Variants in AATF observed in about 807,000 individuals in gnomAD.
AATF encodes the protein protein AATF.
A neutral mutation model predicts 63.7 loss-of-function variants in AATF; 48 were observed. That is an observed-to-expected ratio of 0.75 (90% CI 0.60 to 0.96). AATF has a LOEUF of 0.96. Ranked by LOEUF, AATF falls within the 40% of genes least tolerant of loss-of-function variation. The pLI is 0.00. For missense variants in AATF, 639 were observed against 685.7 expected (o/e 0.93, Z 0.76); for synonymous variants, 258 against 247.7 (o/e 1.04, Z -0.39).
intron 11 of AATF, among the ~76,000 whole-genome samples, chr17:37,042,434 A>T (rs2071648526): frequency 6.6e-6 from 1 of 151,550 alleles, no homozygotes; most frequent in Admixed American, 6.6e-5. Context: ...TTTTAACAAA[A>T]GACAAGGTTT....
chr17:36,951,698 G>A (rs976102926), intron 2 of AATF, among the ~76,000 whole-genome samples: 1 of 152,192 alleles, frequency 6.6e-6, no homozygotes, highest in Non-Finnish European at 1.5e-5. Context: ...AGTAAACTCT[G>A]TATGAATGTT....
intron 10 of AATF, 84 bp downstream of exon 10, chr17:37,021,098 T>C (rs1327153589): frequency 5.0e-6 from 5 of 1,002,800 alleles, no homozygotes; most frequent in Non-Finnish European, 7.1e-6. Flanking sequence ...TCATTTTTCT[T>C]TTTCTTCTGA....
At chr17:37,021,346 TGGCC>T (rs1291040210) in intron 10 of AATF, among the ~76,000 whole-genome samples, 1 of 152,198 alleles carries the variant, frequency 6.6e-6, no homozygotes, top group East Asian at 1.9e-4. Context: ...AAAAATGTTA[TGGCC>T]AGGCGTGGTG....
chr17:36,977,622 A>T (rs1417934279), intron 4 of AATF, among the ~76,000 whole-genome samples: 2 of 152,124 alleles, frequency 1.3e-5, no homozygotes, highest in East Asian at 3.9e-4. Flanking sequence ...TTAAATTGTA[A>T]AAGTAATATA....
intron 4 of AATF, among the ~76,000 whole-genome samples, chr17:36,964,056 G>C (rs958220322): frequency 5.3e-5 from 8 of 152,082 alleles, no homozygotes; most frequent in African/African-American, 1.9e-4. Flanking sequence ...AAAGAGAATG[G>C]GGAAAATGAA....
At chr17:36,990,526 A>T (rs932909792) in intron 7 of AATF, among the ~76,000 whole-genome samples, 1 of 152,084 alleles carries the variant, frequency 6.6e-6, no homozygotes, top group African/African-American at 2.4e-5. Flanking sequence ...TCTAATTCTA[A>T]TTTACACATA....
At chr17:36,950,188 G>A (rs764919354) in intron 1 of AATF, 26 bp from the exon 2 acceptor site, 12 of 1,606,088 alleles carry the variant, frequency 7.5e-6, no homozygotes, top group Non-Finnish European at 1.0e-5. Flanking sequence ...TGGAGATTCT[G>A]TTTACTTTTC....
chr17:36,972,704 G>A (rs1202380926), intron 4 of AATF, among the ~76,000 whole-genome samples: 2 of 150,648 alleles, frequency 1.3e-5, no homozygotes, highest in Non-Finnish European at 2.9e-5. Flanking sequence ...CAAGATGATA[G>A]TGTAATAGAT....
At chr17:36,961,099 T>A (rs11870071) in intron 4 of AATF, among the ~76,000 whole-genome samples, 5,792 of 152,282 alleles carry the variant, frequency 0.038, 370 homozygotes, top group African/African-American at 0.13. Flanking sequence ...ATGTACTATT[T>A]TCAAGCTTAT....
In AATF at chr17:36,988,568, C is replaced by A. The variant is rs1403094202; in HGVS notation, c.997C>A (p.Gln333Lys). ...TGAGCTGGTAGAAGAGAAGAAGCAG[C>A]AACGAAGAAGGGTCCCTGCAAAGAG... The part of the protein sequence containing the change: ...DDELVEEKKQ[Q>K]RRRVPAKRKL... Residue 333 changes from glutamine to lysine, a missense_variant, in exon 6 of 12, where the codon CAA (glutamine) becomes AAA (lysine). Coordinates refer to ENST00000619387, the MANE Select transcript of AATF (RefSeq NM_012138.4). 1 of 1,614,088 alleles carries A rather than the reference C, an allele frequency of 6.2e-7. No individual in the cohort carries two copies. The highest frequency in any genetic ancestry group is 8.5e-7 in the Non-Finnish European group (1 of 1,180,018).
intron 4 of AATF, among the ~76,000 whole-genome samples, chr17:36,962,854 G>T (rs917828418): frequency 7.2e-5 from 11 of 152,186 alleles, no homozygotes; most frequent in Non-Finnish European, 1.6e-4. Context: ...GGGCACTGTG[G>T]CTCATGCCTG....
At chr17:37,048,746 A>G (rs897760041) in intron 11 of AATF, among the ~76,000 whole-genome samples, 1 of 152,092 alleles carries the variant, frequency 6.6e-6, no homozygotes, top group Non-Finnish European at 1.5e-5. Context: ...TGCCCCTACC[A>G]CACAGCCCCA....
intron 11 of AATF, among the ~76,000 whole-genome samples, chr17:37,037,319 G>A (rs2071601708): frequency 6.6e-6 from 1 of 152,150 alleles, no homozygotes; most frequent in Admixed American, 6.6e-5. Context: ...CTGGCTGACA[G>A]CGTCATCTTT....
intron 4 of AATF, among the ~76,000 whole-genome samples, chr17:36,971,607 T>G (rs1462754880): frequency 6.6e-6 from 1 of 152,200 alleles, no homozygotes; most frequent in Admixed American, 6.5e-5. Context: ...AGACATACAT[T>G]CACACAAAGT....
intron 4 of AATF, among the ~76,000 whole-genome samples, chr17:36,954,109 T>C (rs1345435461): frequency 6.7e-6 from 1 of 148,342 alleles, no homozygotes; most frequent in Non-Finnish European, 1.5e-5. Context: ...GCTCTGTTGC[T>C]GAGTCTCAAG....
chr17:37,021,048 AT>A (rs750789920), intron 10 of AATF, 34 bp downstream of exon 10: 3 of 1,503,150 alleles, frequency 2.0e-6, no homozygotes, highest in Admixed American at 3.6e-5. Flanking sequence ...GTCAACATAT[AT>A]TGTATATGTA....
chr17:37,006,658 G>A (rs566304957), intron 8 of AATF, among the ~76,000 whole-genome samples: 3 of 152,296 alleles, frequency 2.0e-5, no homozygotes, highest in African/African-American at 7.2e-5. Flanking sequence ...TAGACATTGG[G>A]AGACACGATA....
intron 11 of AATF, among the ~76,000 whole-genome samples, chr17:37,040,946 T>A (rs934450898): frequency 6.6e-6 from 1 of 152,226 alleles, no homozygotes; most frequent in African/African-American, 2.4e-5. Context: ...TGCATGTAAT[T>A]CTATTCTCTG....
intron 8 of AATF, among the ~76,000 whole-genome samples, chr17:37,002,712 T>C (rs546510118): frequency 4.0e-5 from 6 of 150,568 alleles, no homozygotes; most frequent in African/African-American, 1.5e-4. Context: ...TACCTAGGAA[T>C]AAACTTAACC....
Sources: gnomAD v4.1 joint callset for allele counts (sites outside exome capture counted in the v4.1 genomes callset) on GRCh38, gnomAD v4.1.1 for gene constraint, MANE v1.5 for transcripts, NCBI Gene and HGNC (gene_info 2026-07-23, HGNC 2026-07-21) for gene names.